The following SLC45A2 variants were observed in gnomAD, a reference collection of about 807,000 sequenced individuals.
SLC45A2 encodes the protein solute carrier family 45 member 2, also known as membrane-associated transporter protein.
A neutral mutation model predicts 45.5 loss-of-function variants in SLC45A2; 36 were observed. The ratio of observed to expected loss-of-function variants is 0.79; its 90% CI spans 0.61 to 1.04. SLC45A2 has a LOEUF of 1.04. SLC45A2 is among the 50% of genes least tolerant of loss of function. SLC45A2 has a pLI of 0.00. For synonymous variants in SLC45A2, 306 were observed against 269.3 expected, an observed-to-expected ratio of 1.14 and a Z score of -1.33; for missense variants, 719 against 671.0, an observed-to-expected ratio of 1.07 and a Z score of -0.79.
At chr5:33,956,084 T>C (rs1702260342) in intron 3 of SLC45A2, among the ~76,000 whole-genome samples, 1 of 152,168 alleles carries the variant, frequency 6.6e-6, no homozygotes, top group South Asian at 2.1e-4. Flanking sequence ...GTTAATCTTG[T>C]TTATGCCCTA....
intron 2 of SLC45A2, among the ~76,000 whole-genome samples, chr5:33,973,562 A>G (rs1752844121): frequency 6.6e-6 from 1 of 152,222 alleles, no homozygotes. Flanking sequence ...TTTCGTTTTT[A>G]AGACTCTTTT....
chr5:33,948,506 A>G (rs1480248825), intron 5 of SLC45A2, among the ~76,000 whole-genome samples: 1 of 152,204 alleles, frequency 6.6e-6, no homozygotes, highest in Non-Finnish European at 1.5e-5. Flanking sequence ...TAATTATTGG[A>G]CTTACACCTT....
intron 2 of SLC45A2, among the ~76,000 whole-genome samples, chr5:33,981,920 T>C (rs987373943): frequency 6.6e-6 from 1 of 152,242 alleles, no homozygotes; most frequent in African/African-American, 2.4e-5. Context: ...GGATGCTACA[T>C]TGCTGATGCT....
chr5:33,948,140 C>T (rs1047359546), intron 5 of SLC45A2, among the ~76,000 whole-genome samples: 4 of 152,230 alleles, frequency 2.6e-5, no homozygotes, highest in Non-Finnish European at 5.9e-5. Flanking sequence ...AATCACCCAG[C>T]TTAATGCCTA....
chr5:33,980,143 G>T (rs986388237), intron 2 of SLC45A2, among the ~76,000 whole-genome samples: 2 of 139,676 alleles, frequency 1.4e-5, no homozygotes, highest in African/African-American at 6.3e-5. Context: ...TTAGGAAAAT[G>T]AAGTTGGAAT....
At chr5:33,957,612 G>T (rs529402498) in intron 3 of SLC45A2, among the ~76,000 whole-genome samples, 16 of 152,238 alleles carry the variant, frequency 1.1e-4, no homozygotes, top group Non-Finnish European at 2.1e-4. Flanking sequence ...TAACCAAAAT[G>T]AAGTGCAGAA....
chr5:33,948,278 T>G (rs1403441324), intron 5 of SLC45A2, among the ~76,000 whole-genome samples: 4 of 152,198 alleles, frequency 2.6e-5, no homozygotes, highest in Non-Finnish European at 5.9e-5. Context: ...AACTAATTTT[T>G]AAAAATGAAA....
chr5:33,946,970 C>T (rs1211203680), intron 6 of SLC45A2, 193 bp downstream of exon 6: 2 of 1,519,810 alleles, frequency 1.3e-6, no homozygotes, highest in Non-Finnish European at 1.8e-6. Flanking sequence ...ATAAGGAGGA[C>T]AGGACAGCTG....
rs1025881658 is a variant in SLC45A2, at chr5:33,963,716, G to T, written c.863C>A (p.Ala288Glu). 1.9e-6 allele frequency: 3 copies of T among 1,613,430 alleles called. No homozygotes were observed. In the South Asian group the frequency reaches 3.3e-5, roughly 18 times the overall value. ...YVNPELAMQG[A>E]KNKNHAEQTR... is the part of the protein sequence containing the mutation. ...CTGTTCAGCATGATTTTTGTTTTTT[G>T]CTCCCTGCATTGCCAGCTCTGGATT... Residue 288 changes from alanine to glutamate, a missense_variant, in exon 3 of 7, where the codon GCA (alanine) becomes GAA (glutamate). By Grantham distance (107) the Ala-to-Glu change is moderately radical (BLOSUM62 -1). Transcript: ENST00000296589.
At chr5:33,954,301 C>G in intron 4 of SLC45A2, 60 bp downstream of exon 4, 1 of 1,609,704 alleles carries the variant, frequency 6.2e-7, no homozygotes, top group East Asian at 2.2e-5. Flanking sequence ...AGAACCTCAA[C>G]AGGTGTTAAT....
intron 6 of SLC45A2, 44 bp downstream of exon 6, chr5:33,947,119 T>C: frequency 6.2e-7 from 1 of 1,614,194 alleles, no homozygotes; most frequent in Non-Finnish European, 8.5e-7. Context: ...AGCCTTCAGA[T>C]GAGTCTGGAT....
intron 2 of SLC45A2, among the ~76,000 whole-genome samples, chr5:33,981,126 C>A (rs1377553880): frequency 6.6e-6 from 1 of 152,170 alleles, no homozygotes; most frequent in Non-Finnish European, 1.5e-5. Context: ...GTCTTAGGTG[C>A]CTTTAAACAC....
In SLC45A2 at chr5:33,976,609, G is replaced by T. The variant is rs371978663; in HGVS notation, c.562+5627C>A. On this transcript the variant is annotated intron_variant, in intron 2 of 6. Transcript: ENST00000296589. Reference sequence around the variant, plus strand: ...TTGGAGGGGTGAGGGGGGTGGGGGAGATTTTTTTCCCCTCCCTGCAGGACA... The same window carrying T: ...TTGGAGGGGTGAGGGGGGTGGGGGATATTTTTTTCCCCTCCCTGCAGGACA... 3.3e-4 allele frequency among the ~76,000 whole-genome samples: 51 copies of T among 152,258 alleles called. 1 individual carries two copies. The Middle Eastern group carries it at 0.01, about 30-fold the overall frequency.
Position 33,969,065 on chromosome 5 carries a change from C to CTCTCTCTCTCTCTCTGTGTG in SLC45A2, c.563-5050_563-5049insCACACAGAGAGAGAGAGAGA. ...AGCTACTCTCTCTCTCTCTCTCTCT[C>CTCTCTCTCTCTCTCTGTGTG]TGTGTGTGTGTGTGTGTGTGTGTGT... On this transcript the variant is annotated intron_variant, in intron 2 of 6. Transcript: ENST00000296589. 8.2e-4 allele frequency among the ~76,000 whole-genome samples: 84 copies of CTCTCTCTCTCTCTCTGTGTG among 102,458 alleles called. 1 individual carries two copies. Among genetic ancestry groups the CTCTCTCTCTCTCTCTGTGTG allele is most frequent in the African/African-American group, 2.4e-3 (64 of 27,026 alleles). 67.2% of individuals were successfully genotyped at this position (102,458 alleles called of 152,430 possible).
At chr5:33,950,657 G>T (rs374435666) in intron 5 of SLC45A2, among the ~76,000 whole-genome samples, 10 of 152,310 alleles carry the variant, frequency 6.6e-5, no homozygotes, top group East Asian at 3.9e-4. Context: ...GTCCTCCTGA[G>T]AATGGTAACA....
At chr5:33,945,797 CAA>C in intron 6 of SLC45A2, 1 of 303,122 alleles carries the variant, frequency 3.3e-6, no homozygotes, top group Non-Finnish European at 4.8e-6. Flanking sequence ...CACTATTAGG[CAA>C]AAAAAAAGCA....
chr5:33,950,585 G>A (rs1433676918), intron 5 of SLC45A2, among the ~76,000 whole-genome samples: 1 of 152,170 alleles, frequency 6.6e-6, no homozygotes, highest in Non-Finnish European at 1.5e-5. Flanking sequence ...GGAAGGGGAA[G>A]GGGCCCTCAC....
intron 3 of SLC45A2, among the ~76,000 whole-genome samples, chr5:33,956,888 C>A (rs1752293362): frequency 6.6e-6 from 1 of 152,084 alleles, no homozygotes; most frequent in African/African-American, 2.4e-5. Flanking sequence ...CTCAATGGAG[C>A]TTACATTAAG....
intron 5 of SLC45A2, among the ~76,000 whole-genome samples, chr5:33,949,339 G>A (rs1018633249): frequency 6.6e-6 from 1 of 152,206 alleles, no homozygotes; most frequent in Non-Finnish European, 1.5e-5. Context: ...GGTGCAGGGG[G>A]AAGAAAACTT....
Sources: gnomAD v4.1 joint callset for allele counts (sites outside exome capture counted in the v4.1 genomes callset) on GRCh38, gnomAD v4.1.1 for gene constraint, MANE v1.5 for transcripts, NCBI Gene and HGNC (gene_info 2026-07-23, HGNC 2026-07-21) for gene names.